ARMC2: variants seen among roughly 807,000 people sequenced by gnomAD.
ARMC2 encodes the protein armadillo repeat containing 2, also known as armadillo repeat-containing protein 2.
ARMC2 carries 67 observed loss-of-function variants against 90.3 expected under a neutral mutation model. The observed-to-expected ratio is 0.74, with a 90% CI of 0.61 to 0.91. The LOEUF is 0.91. Among genes scored for constraint, ARMC2 ranks in the 40% least tolerant of loss-of-function variants. The pLI is 0.00. For synonymous variants in ARMC2, 393 were observed against 393.0 expected, an observed-to-expected ratio of 1.00 and a Z score of 0.00; for missense variants, 920 against 1,030.9, an observed-to-expected ratio of 0.89 and a Z score of 1.47.
chr6:108,978,884 G>A (rs1351913464), downstream of ARMC2, among the ~76,000 whole-genome samples: 1 of 151,372 alleles, frequency 6.6e-6, no homozygotes, highest in East Asian at 1.9e-4. Flanking sequence ...TTGAGCCTGT[G>A]TGTGTCTTTC....
intron 10 of ARMC2, among the ~76,000 whole-genome samples, chr6:108,927,342 A>C (rs1332467523): frequency 6.6e-6 from 1 of 152,214 alleles, no homozygotes; most frequent in African/African-American, 2.4e-5. Flanking sequence ...TGAATGAGAA[A>C]AATGAGCTCT....
At chr6:108,895,259 T>A (rs1173406310) in intron 6 of ARMC2, among the ~76,000 whole-genome samples, 2 of 149,814 alleles carry the variant, frequency 1.3e-5, no homozygotes, top group Non-Finnish European at 3.0e-5. Flanking sequence ...GGTCAGGAGT[T>A]CAAGACCAGC....
rs1276297874 is a variant in ARMC2, at chr6:108,974,411, A to G, written c.*897A>G. ...GTTCAAGAACATTATGATGGCAAGC[A>G]CTTTCTTAGCTTGCCATCCTTTGTA... On this transcript the variant is annotated 3_prime_UTR_variant, in exon 18 of 18. Coordinates refer to ENST00000392644, the MANE Select transcript of ARMC2 (RefSeq NM_032131.6). 1 of 152,274 alleles carries G rather than the reference A, an allele frequency of 6.6e-6. No individual in the cohort carries two copies. Among genetic ancestry groups the G allele is most frequent in the Non-Finnish European group, 1.5e-5 (1 of 68,052 alleles). 9.4% of individuals were successfully genotyped at this position (152,274 alleles called of 1,614,324 possible). A position where few individuals can be genotyped will look rare whatever the true frequency, so the allele number is the denominator to read the frequency against.
chr6:108,904,656 AAAAAG>A (rs1337468855), intron 8 of ARMC2, among the ~76,000 whole-genome samples: 103 of 151,048 alleles, frequency 6.8e-4, no homozygotes, highest in African/African-American at 1.7e-3. Flanking sequence ...TAAAAAAAAA[AAAAAG>A]AAGAAGAAGA....
At chr6:108,956,443 T>C (rs1230484861) in intron 13 of ARMC2, among the ~76,000 whole-genome samples, 1 of 151,162 alleles carries the variant, frequency 6.6e-6, no homozygotes, top group Admixed American at 6.6e-5. Flanking sequence ...GCGCCTATAA[T>C]CCCAGCACTT....
chr6:109,012,203 C>T, the ARMC2 span, among the ~76,000 whole-genome samples: 1 of 151,818 alleles, frequency 6.6e-6, no homozygotes, highest in Admixed American at 6.6e-5. Context: ...GCCAGAGCTA[C>T]CTTACAAAGT....
chr6:108,943,599 GT>G (rs1283884729), intron 12 of ARMC2, among the ~76,000 whole-genome samples: 2 of 151,906 alleles, frequency 1.3e-5, no homozygotes, highest in Non-Finnish European at 2.9e-5. Context: ...CAGATGGATC[GT>G]CTGAAGCCAG....
chr6:108,870,674 A>G (rs950169397), intron 4 of ARMC2, among the ~76,000 whole-genome samples: 4 of 152,064 alleles, frequency 2.6e-5, no homozygotes, highest in Admixed American at 2.0e-4. Context: ...GACAATGAGG[A>G]TGTGCAGGGT....
the ARMC2 span, among the ~76,000 whole-genome samples, chr6:109,006,243 A>T: frequency 6.6e-6 from 1 of 152,202 alleles, no homozygotes; most frequent in Non-Finnish European, 1.5e-5. Context: ...TTAATCTATG[A>T]AGCAGGTACT....
chr6:108,988,370 C>CT, the ARMC2 span: 1 of 522,368 alleles, frequency 1.9e-6, no homozygotes, highest in East Asian at 3.2e-5. Context: ...TTCTTTTACT[C>CT]TATCAACATA....
Position 108,904,241 on chromosome 6 carries a change from G to C in ARMC2, c.859G>C (p.Glu287Gln). The change falls in exon 8 of 18, where the codon GAA (glutamate) becomes CAA (glutamine). Residue 287 changes from glutamate to glutamine, a missense_variant. By Grantham distance (29) the Glu-to-Gln change is conservative (BLOSUM62 2). Transcript: ENST00000392644. ...LRELEKEENIETVCAACTQLH... is the reference protein window; with the variant it reads ...LRELEKEENIQTVCAACTQLH... ...CTTTGCTCTGACAGAAGAAAACATT[G>C]AAACGGTTTGTGCTGCTTGCACACA... 6.2e-7 allele frequency: 1 copy of C among 1,613,296 alleles called. No individual in the cohort carries two copies. The highest frequency in any genetic ancestry group is 8.5e-7 in the Non-Finnish European group (1 of 1,179,684).
At chr6:109,049,004 A>G in the ARMC2 span, among the ~76,000 whole-genome samples, 1 of 152,208 alleles carries the variant, frequency 6.6e-6, no homozygotes, top group African/African-American at 2.4e-5. Flanking sequence ...CTTTTTGCTT[A>G]GCACGCTTCT....
chr6:109,022,754 A>G, the ARMC2 span, among the ~76,000 whole-genome samples: 1 of 152,022 alleles, frequency 6.6e-6, no homozygotes, highest in African/African-American at 2.4e-5. Context: ...TTTAACTATC[A>G]TAACACCTTA....
In ARMC2 at chr6:108,888,406, G is replaced by A. The variant is rs116187153; in HGVS notation, c.672-6061G>A. The stretch of plus-strand genomic sequence containing the variant: ...AACCAAAACTTACCCGAGGTCACAC[G>A]GCTGTAAGTGGTCGGACCATGGGAT... On this transcript the variant is annotated intron_variant, in intron 5 of 17. Coordinates refer to ENST00000392644, the MANE Select transcript of ARMC2 (RefSeq NM_032131.6). Among the ~76,000 whole-genome samples, 642 of 152,274 alleles carry A rather than the reference G, an allele frequency of 4.2e-3. 3 individuals are homozygous for A. Among genetic ancestry groups the A allele is most frequent in the African/African-American group, 0.014 (597 of 41,550 alleles).
chr6:108,915,017 A>C (rs1773805919), intron 10 of ARMC2, among the ~76,000 whole-genome samples: 1 of 151,138 alleles, frequency 6.6e-6, no homozygotes, highest in Non-Finnish European at 1.5e-5. Context: ...CAATGGTGTG[A>C]CCTTGGCTCA....
At chr6:108,985,757 T>TATC in the ARMC2 span, among the ~76,000 whole-genome samples, 1 of 152,198 alleles carries the variant, frequency 6.6e-6, no homozygotes, top group South Asian at 2.1e-4. Flanking sequence ...AAATTTTAAC[T>TATC]ATCTTCTTGG....
chr6:108,912,972 G>A (rs917668304), intron 10 of ARMC2, among the ~76,000 whole-genome samples: 1 of 152,172 alleles, frequency 6.6e-6, no homozygotes, highest in Non-Finnish European at 1.5e-5. Context: ...AGAAGGTAAC[G>A]GGATTGAGTG....
intron 3 of ARMC2, among the ~76,000 whole-genome samples, chr6:108,864,997 A>AT (rs36025894): frequency 0.57 from 75,468 of 132,812 alleles, 22,588 homozygotes; most frequent in Admixed American, 0.67. Context: ...TCTCAAGTGA[A>AT]TTTTTTTTTT....
chr6:108,863,474 C>T (rs1005782943), intron 3 of ARMC2, among the ~76,000 whole-genome samples: 1 of 152,204 alleles, frequency 6.6e-6, no homozygotes, highest in African/African-American at 2.4e-5. Flanking sequence ...CCCAGCTGCT[C>T]CACAAGAGCA....
Sources: gnomAD v4.1 joint callset for allele counts (sites outside exome capture counted in the v4.1 genomes callset) on GRCh38, gnomAD v4.1.1 for gene constraint, MANE v1.5 for transcripts, NCBI Gene and HGNC (gene_info 2026-07-23, HGNC 2026-07-21) for gene names.